The following ZNF148 variants were observed in gnomAD, a reference collection of about 807,000 sequenced individuals.
The protein encoded by ZNF148 is Beta-Enolase Repressor Factor-1.
ZNF148 carries 7 observed loss-of-function variants against 67.7 expected under a neutral mutation model. That is an observed-to-expected ratio of 0.10 (90% CI 0.06 to 0.19). The LOEUF (loss-of-function observed/expected upper bound fraction) is 0.19. Among genes scored for constraint, ZNF148 ranks in the 10% least tolerant of loss-of-function variants. The probability of loss-of-function intolerance (pLI) is 1.00; values close to 1 mark genes in which losing one functional copy is unlikely to be tolerated. For missense variants in ZNF148, 583 were observed against 947.1 expected (o/e 0.62, Z 5.05); for synonymous variants, 333 against 330.7 (o/e 1.01, Z -0.08).
intron 7 of ZNF148, among the ~76,000 whole-genome samples, chr3:125,242,684 GCTTAT>G (rs1227721523): frequency 1.3e-5 from 2 of 152,160 alleles, no homozygotes; most frequent in African/African-American, 4.8e-5. Flanking sequence ...TATATTTGGA[GCTTAT>G]CTTGAGGCAG....
intron 7 of ZNF148, among the ~76,000 whole-genome samples, chr3:125,243,237 C>T (rs1936446142): frequency 6.6e-6 from 1 of 152,134 alleles, no homozygotes; most frequent in Non-Finnish European, 1.5e-5. Flanking sequence ...GGCTTGTCTT[C>T]TCATTGATAT....
At chr3:125,287,509 C>T (rs1938726994) in intron 5 of ZNF148, among the ~76,000 whole-genome samples, 1 of 152,114 alleles carries the variant, frequency 6.6e-6, no homozygotes, top group Non-Finnish European at 1.5e-5. Flanking sequence ...CATGTTGGCA[C>T]ATGCCTGTGG....
intron 4 of ZNF148, among the ~76,000 whole-genome samples, chr3:125,290,120 C>T (rs995770769): frequency 6.6e-6 from 1 of 152,298 alleles, no homozygotes; most frequent in South Asian, 2.1e-4. Context: ...AACTCTAAAG[C>T]CCCTGCTCAT....
At chr3:125,265,002 A>C (rs1937503138) in intron 7 of ZNF148, among the ~76,000 whole-genome samples, 1 of 152,204 alleles carries the variant, frequency 6.6e-6, no homozygotes, top group Non-Finnish European at 1.5e-5. Context: ...CTCTCAGTTC[A>C]AAAGAGTAAT....
Position 125,279,254 on chromosome 3 carries a change from C to CAA in ZNF148, c.460-9_460-8dup, listed in dbSNP as rs10665336. On this transcript the variant is annotated splice_polypyrimidine_tract_variant and splice_region_variant and intron_variant, in intron 5 of 8. Transcript: ENST00000360647. ...CCTCATTTATTGTAAGGATCTAGTTCAAAAAAAAAAAGGCAAAAACAAAAG... is the reference window on the plus strand; with the variant it reads ...CCTCATTTATTGTAAGGATCTAGTTCAAAAAAAAAAAAAGGCAAAAACAAAAG... The CAA allele has an allele frequency of 0.12, 134,298 of 1,157,348 alleles. 513 individuals carry two copies. The highest frequency in any genetic ancestry group is 0.15 in the Middle Eastern group (616 of 4,142). The allele number at this position is 1,157,348 out of a possible 1,614,324, so 71.7% of individuals were successfully genotyped here. A position where few individuals can be genotyped will look rare whatever the true frequency, so the allele number is the denominator to read the frequency against.
intron 1 of ZNF148, chr3:125,344,475 C>T: frequency 9.1e-7 from 1 of 1,098,824 alleles, no homozygotes; most frequent in East Asian, 2.4e-5. Flanking sequence ...AAATGGGTCC[C>T]TTCCACCAAA....
In ZNF148 at chr3:125,257,375, G is replaced by A. The variant is rs180833866; in HGVS notation, c.667+20351C>T. ...GAGAACAGCCTGGCCTGAACATGGC[G>A]AAACCCCGTCTCTACTAAAAATACA... On this transcript the variant is annotated intron_variant, in intron 7 of 8. Transcript: ENST00000360647. 3.1e-4 allele frequency among the ~76,000 whole-genome samples: 47 copies of A among 151,994 alleles called. No individual in the cohort carries two copies. In the East Asian group the frequency reaches 6.8e-3, roughly 22 times the overall value.
intron 1 of ZNF148, among the ~76,000 whole-genome samples, chr3:125,359,502 C>T (rs994735943): frequency 2.0e-5 from 3 of 152,070 alleles, no homozygotes; most frequent in African/African-American, 7.2e-5. Context: ...TTATTAAAGT[C>T]ATTATAGACA....
chr3:125,266,459 G>T (rs1937532447), intron 7 of ZNF148, among the ~76,000 whole-genome samples: 1 of 152,104 alleles, frequency 6.6e-6, no homozygotes, highest in Non-Finnish European at 1.5e-5. Context: ...TAAACAACTT[G>T]CTCCTGAATG....
intron 4 of ZNF148, among the ~76,000 whole-genome samples, chr3:125,309,398 A>C (rs182267903): frequency 3.9e-5 from 6 of 152,376 alleles, no homozygotes; most frequent in East Asian, 3.9e-4. Flanking sequence ...TATTATAGTT[A>C]CCATAATGAA....
chr3:125,295,892 G>C (rs546754967), intron 4 of ZNF148, among the ~76,000 whole-genome samples: 1 of 152,118 alleles, frequency 6.6e-6, no homozygotes, highest in South Asian at 2.1e-4. Context: ...AAAGCACCTT[G>C]AACACCTTAA....
chr3:125,326,756 A>T (rs1255569299), intron 2 of ZNF148, among the ~76,000 whole-genome samples: 1 of 147,698 alleles, frequency 6.8e-6, no homozygotes, highest in African/African-American at 2.5e-5. Flanking sequence ...GTATATATAC[A>T]TATAAAGATA....
rs571636051 is a variant in ZNF148, at chr3:125,281,037, T to G, written c.460-1790A>C. On this transcript the variant is annotated intron_variant, in intron 5 of 8. Transcript: ENST00000360647. ...GAAAAAAGCTTTAATCCTTAAAACA[T>G]TTTTACTTTAAATTCAAGAAGACAG... is the stretch of plus-strand genomic sequence containing the variant. 1.2e-3 allele frequency among the ~76,000 whole-genome samples: 176 copies of G among 152,314 alleles called. 4 individuals carry two copies. The South Asian group carries it at 0.033, about 28-fold the overall frequency.
chr3:125,233,880 G>C lies in ZNF148; in HGVS notation c.846C>G (p.Asp282Glu). ...TGATGGCACATCTATTTAGTTTTTTGTCATGATTTTCATGGCACATACGTT... is the reference window on the plus strand; with the variant it reads ...TGATGGCACATCTATTTAGTTTTTTCTCATGATTTTCATGGCACATACGTT... ...KHKRMCHENH[D>E]KKLNRCAIKG... Residue 282 changes from aspartate to glutamate, a missense_variant, in exon 9 of 9, where the codon GAC becomes GAG. Physicochemically the swap from Asp to Glu is conservative, Grantham distance 45. Coordinates refer to ENST00000360647, the MANE Select transcript of ZNF148 (RefSeq NM_021964.3). The surrounding 1 kb of genome is among the most constrained non-coding windows in gnomAD (Gnocchi z 5.1). 1 of 1,611,966 alleles carries C rather than the reference G, an allele frequency of 6.2e-7. No individual in the cohort carries two copies. Among genetic ancestry groups the C allele is most frequent in the South Asian group, 1.1e-5 (1 of 90,676 alleles).
In ZNF148 at chr3:125,231,113, A is replaced by G. The variant is rs1250963541; in HGVS notation, c.*1228T>C. The G allele has an allele frequency of 6.6e-6, 1 of 152,552 alleles. No individual in the cohort carries two copies. Among genetic ancestry groups the G allele is most frequent in the Admixed American group, 6.5e-5 (1 of 15,268 alleles). The allele number at this position is 152,552 out of a possible 1,614,324, so 9.4% of individuals were successfully genotyped here. A position where few individuals can be genotyped will look rare whatever the true frequency, so the allele number is the denominator to read the frequency against. ...AGAAATGGTAGTTACTGGAATTAGT[A>G]AACACTTTTGGTTTGTAAAGTTGTA... On this transcript the variant is annotated 3_prime_UTR_variant, in exon 9 of 9. Transcript: ENST00000360647.
At chr3:125,323,093 C>T (rs1334897048) in intron 3 of ZNF148, among the ~76,000 whole-genome samples, 2 of 152,116 alleles carry the variant, frequency 1.3e-5, no homozygotes, top group Non-Finnish European at 2.9e-5. Flanking sequence ...CTTAAGACTA[C>T]ACATTTTTGT....
At chr3:125,299,943 G>A (rs1939500132) in intron 4 of ZNF148, among the ~76,000 whole-genome samples, 2 of 152,210 alleles carry the variant, frequency 1.3e-5, no homozygotes, top group South Asian at 2.1e-4. Context: ...CAAATAATAC[G>A]CTGACGTAAA....
At chr3:125,280,232 G>A (rs984660377) in intron 5 of ZNF148, among the ~76,000 whole-genome samples, 30 of 152,072 alleles carry the variant, frequency 2.0e-4, no homozygotes, top group African/African-American at 7.2e-4. Context: ...ATAGAAGTGG[G>A]TAAAAAGAAG....
intron 7 of ZNF148, among the ~76,000 whole-genome samples, chr3:125,238,001 A>G (rs756309328): frequency 2.0e-5 from 3 of 152,172 alleles, no homozygotes; most frequent in Non-Finnish European, 2.9e-5. Flanking sequence ...TGGTCAACTG[A>G]TTTTCTAAAA....
Sources: allele counts gnomAD v4.1 joint callset (sites outside exome capture counted in the v4.1 genomes callset), GRCh38; gene constraint gnomAD v4.1.1; non-coding constraint Gnocchi (gnomAD v3.1); transcripts MANE v1.5; gene names NCBI Gene and HGNC (gene_info 2026-07-23, HGNC 2026-07-21).